Variants in GRID2 observed in about 807,000 individuals in gnomAD.
GRID2 encodes the protein glutamate receptor ionotropic, delta-2.
GRID2 carries 33 observed loss-of-function variants against 114.8 expected under a neutral mutation model. That is an observed-to-expected ratio of 0.29 (90% CI 0.22 to 0.38). The LOEUF is 0.38. Ranked by LOEUF, GRID2 falls within the 10% of genes least tolerant of loss-of-function variation. The pLI, the probability that GRID2 is intolerant of heterozygous loss-of-function variation, is 1.00. For missense variants in GRID2, 1,184 were observed against 1,257.7 expected (o/e 0.94, Z 0.89); for synonymous variants, 505 against 449.9 (o/e 1.12, Z -1.55).
At chr4:93,581,627 A>C (rs967253526) in intron 13 of GRID2, among the ~76,000 whole-genome samples, 4 of 152,174 alleles carry the variant, frequency 2.6e-5, no homozygotes, top group Admixed American at 1.3e-4. Flanking sequence ...ATTGATATCC[A>C]AGGAAATTAA....
chr4:92,589,102 T>C (rs1728592149), intron 1 of GRID2, among the ~76,000 whole-genome samples: 1 of 152,106 alleles, frequency 6.6e-6, no homozygotes, highest in South Asian at 2.1e-4. Flanking sequence ...CAAGACTCCA[T>C]CTCAAAAACA....
intron 11 of GRID2, among the ~76,000 whole-genome samples, chr4:93,488,767 C>T (rs1726662116): frequency 6.6e-6 from 1 of 151,932 alleles, no homozygotes; most frequent in African/African-American, 2.4e-5. Flanking sequence ...TGAGGCCTCT[C>T]CCCTTGGCTT....
At chr4:93,784,427 G>C (rs1734550682) in intron 1 of GRID2, among the ~76,000 whole-genome samples, 1 of 152,220 alleles carries the variant, frequency 6.6e-6, no homozygotes, top group South Asian at 2.1e-4. Context: ...AGCAGCGTTT[G>C]AGCCAAGGAG....
intron 4 of GRID2, among the ~76,000 whole-genome samples, chr4:93,147,969 G>C (rs1321283631): frequency 1.3e-5 from 2 of 152,142 alleles, no homozygotes; most frequent in Admixed American, 1.3e-4. Context: ...ATGTAAATTT[G>C]GTTCACTACA....
intron 1 of GRID2, among the ~76,000 whole-genome samples, chr4:92,586,586 T>C (rs1369585594): frequency 1.3e-5 from 2 of 151,990 alleles, no homozygotes. Context: ...AATTTATGAA[T>C]TTTCAAAGGG....
chr4:93,049,034 G>T (rs1726434315), intron 2 of GRID2, among the ~76,000 whole-genome samples: 1 of 151,876 alleles, frequency 6.6e-6, no homozygotes, highest in African/African-American at 2.4e-5. Flanking sequence ...ATTCATCTGG[G>T]TGAATATGTC....
chr4:92,734,832 G>T (rs1421890736), intron 2 of GRID2, among the ~76,000 whole-genome samples: 1 of 145,424 alleles, frequency 6.9e-6, no homozygotes, highest in Non-Finnish European at 1.5e-5. Flanking sequence ...AGCCTGGAGT[G>T]CTGTGATGCA....
At chr4:93,763,797 A>C (rs1733409647) in intron 14 of GRID2, among the ~76,000 whole-genome samples, 1 of 152,152 alleles carries the variant, frequency 6.6e-6, no homozygotes, top group Admixed American at 6.5e-5. Context: ...GGGAAGCAAT[A>C]ATGTCTGCAA....
At chr4:92,459,804 T>C (rs936571365) in intron 1 of GRID2, among the ~76,000 whole-genome samples, 19 of 151,486 alleles carry the variant, frequency 1.3e-4, no homozygotes, top group Non-Finnish European at 2.5e-4. Flanking sequence ...TAAGTAGACT[T>C]ACAGTAAAGC....
chr4:93,480,042 T>C (rs1190731223), intron 11 of GRID2, among the ~76,000 whole-genome samples: 1 of 152,076 alleles, frequency 6.6e-6, no homozygotes, highest in East Asian at 1.9e-4. Context: ...ATGGATTCTG[T>C]CAAAAGAAAA....
At chr4:93,017,490 T>G (rs2149240911) in intron 2 of GRID2, among the ~76,000 whole-genome samples, 1 of 152,224 alleles carries the variant, frequency 6.6e-6, no homozygotes, top group Admixed American at 6.6e-5. Context: ...AATAATCTTT[T>G]TCTTTCTTTC....
chr4:93,230,494 T>C (rs868312144), intron 7 of GRID2, among the ~76,000 whole-genome samples: 1 of 152,182 alleles, frequency 6.6e-6, no homozygotes. Flanking sequence ...TTTTGTTTTA[T>C]TATATTATGT....
intron 8 of GRID2, among the ~76,000 whole-genome samples, chr4:93,253,598 C>A (rs1235596218): frequency 6.6e-6 from 1 of 151,926 alleles, no homozygotes; most frequent in Non-Finnish European, 1.5e-5. Context: ...ATTTACTAAG[C>A]ATTAAATAAG....
chr4:92,452,806 T>C lies in GRID2; in HGVS notation c.89-137325T>C, dbSNP rs944557914. 8.9e-5 allele frequency among the ~76,000 whole-genome samples: 13 copies of C among 145,534 alleles called. 1 individual carries two copies. Among genetic ancestry groups the C allele is most frequent in the Admixed American group, 6.8e-4 (10 of 14,674 alleles). On this transcript the variant is annotated intron_variant, in intron 1 of 15. Coordinates refer to ENST00000282020, the MANE Select transcript of GRID2 (RefSeq NM_001510.4). ...ATAGCAAATATATATGATACATGTA[T>C]ATATAATATATGTTTACCATATATA...
At chr4:93,419,074 C>CTTTTTTTTTTTTTTTTTTTTTTTCT (rs58832079) in intron 9 of GRID2, among the ~76,000 whole-genome samples, 4 of 109,526 alleles carry the variant, frequency 3.7e-5, no homozygotes, top group Non-Finnish European at 7.0e-5. Context: ...CATGATTTTC[C>CTTTTTTTTTTTTTTTTTTTTTTTCT]TTTTTTTTTT....
chr4:92,831,535 A>G (rs1208411260), intron 2 of GRID2, among the ~76,000 whole-genome samples: 1 of 151,782 alleles, frequency 6.6e-6, no homozygotes, highest in African/African-American at 2.4e-5. Context: ...GAGCAAGTTA[A>G]CTGGCAGAAA....
At chr4:93,293,649 C>T (rs774796291) in intron 8 of GRID2, among the ~76,000 whole-genome samples, 18 of 151,270 alleles carry the variant, frequency 1.2e-4, no homozygotes, top group Non-Finnish European at 2.1e-4. Flanking sequence ...AAATAATTTG[C>T]GGGAAATCAA....
intron 1 of GRID2, among the ~76,000 whole-genome samples, chr4:93,785,112 T>C (rs111442770): frequency 8.3e-4 from 126 of 152,242 alleles, no homozygotes; most frequent in African/African-American, 2.9e-3. Context: ...TTGAGAAAGA[T>C]CAGATAGTTT....
chr4:92,809,934 G>T (rs549367512), intron 2 of GRID2, among the ~76,000 whole-genome samples: 2 of 152,096 alleles, frequency 1.3e-5, no homozygotes, highest in South Asian at 4.1e-4. Flanking sequence ...ACACCTTGTA[G>T]ATGTTCAACA....
Sources: gnomAD v4.1 joint callset for allele counts (sites outside exome capture counted in the v4.1 genomes callset) on GRCh38, gnomAD v4.1.1 for gene constraint, MANE v1.5 for transcripts, NCBI Gene and HGNC (gene_info 2026-07-23, HGNC 2026-07-21) for gene names.